ARHGAP31: variants seen among roughly 807,000 people sequenced by gnomAD.
The protein encoded by ARHGAP31 is Rho GTPase activating protein 31.
A neutral mutation model predicts 113.9 loss-of-function variants in ARHGAP31; 34 were observed. The ratio of observed to expected loss-of-function variants is 0.30; its 90% CI spans 0.23 to 0.40. The LOEUF (loss-of-function observed/expected upper bound fraction) is 0.40, where lower values mean the gene tolerates loss of function less well. ARHGAP31 is among the 10% of genes least tolerant of loss of function. The probability of loss-of-function intolerance (pLI) is 1.00; values close to 1 mark genes in which losing one functional copy is unlikely to be tolerated. For missense variants in ARHGAP31, 1,548 were observed against 1,767.1 expected, an observed-to-expected ratio of 0.88 and a Z score of 2.22; for synonymous variants, 650 against 684.8, an observed-to-expected ratio of 0.95 and a Z score of 0.79.
At position 119,339,026 on chromosome 3, in the gene ARHGAP31, C is replaced by G. The variant is rs78381935; in HGVS notation, c.101-26290C>G. 4.6e-3 allele frequency among the ~76,000 whole-genome samples: 694 copies of G among 152,260 alleles called. 5 individuals carry two copies. The highest frequency in any genetic ancestry group is 0.015 in the African/African-American group (630 of 41,530). On this transcript the variant is annotated intron_variant, in intron 1 of 11. Transcript: ENST00000264245. Reference sequence around the variant, plus strand: ...AGAGTCATGAATTACTTGGGTATATCAAGACTGAATGAGAAGTGGAAATTT... The same window carrying G: ...AGAGTCATGAATTACTTGGGTATATGAAGACTGAATGAGAAGTGGAAATTT...
rs550132209 is a variant in ARHGAP31 at position 119,382,230 on chromosome 3, A to G, written c.432-62A>G. 3.2e-5 allele frequency: 45 copies of G among 1,407,154 alleles called. No homozygotes were observed. In the South Asian group the frequency reaches 4.5e-4, roughly 14 times the overall value. The allele number at this position is 1,407,154 out of a possible 1,614,324, so 87.2% of individuals were successfully genotyped here. On this transcript the variant is annotated intron_variant, in intron 4 of 11. Transcript: ENST00000264245. ...AAATCCAAACTTAGAAATTATCTCCATATGTCAGGCTTCACACGGGCACTG... is the reference window on the plus strand; with the variant it reads ...AAATCCAAACTTAGAAATTATCTCCGTATGTCAGGCTTCACACGGGCACTG...
Position 119,402,391 on chromosome 3 carries a change from T to C in ARHGAP31, c.1639T>C (p.Ser547Pro), listed in dbSNP as rs1317336627. ...AGAGAAACCGCTGGGAGCTGAGACT[T>C]CTGCAGGTAAGTAGAGGAGAGAGGG... is the stretch of plus-strand genomic sequence containing the variant. ...EEEKPLGAET[S>P]AASVPKKAGL... is the part of the protein sequence containing the mutation. The change falls in exon 10 of 12, where the codon TCT (serine) becomes CCT (proline). Residue 547 changes from serine (S) to proline (P), a missense_variant. Ser to Pro is a moderately conservative substitution (Grantham distance 74). Transcript: ENST00000264245. 1 of 1,612,950 alleles carries C rather than the reference T, an allele frequency of 6.2e-7. No individual in the cohort carries two copies. The highest frequency in any genetic ancestry group is 8.5e-7 in the Non-Finnish European group (1 of 1,179,752).
rs2080753770 is a variant in ARHGAP31, at chr3:119,414,523, C to G, written c.2594C>G (p.Thr865Ser). Residue 865 changes from threonine (T) to serine (S), a missense_variant, in exon 12 of 12, where the codon ACC (threonine) becomes AGC (serine). Coordinates refer to ENST00000264245, the MANE Select transcript of ARHGAP31 (RefSeq NM_020754.4). ...AAAGGCTGTGGTTTTCCAAGCCCAA[C>G]CAGGGAGGTTGAGATCGTCTCACAA... ...EGKGCGFPSPTREVEIVSQEE... is the reference protein window; with the variant it reads ...EGKGCGFPSPSREVEIVSQEE... 1 of 1,614,032 alleles carries G rather than the reference C, an allele frequency of 6.2e-7. No individual in the cohort carries two copies. The highest frequency in any genetic ancestry group is 1.3e-5 in the African/African-American group (1 of 74,908).
intron 3 of ARHGAP31, among the ~76,000 whole-genome samples, chr3:119,372,838 G>A (rs1435615467): frequency 6.6e-6 from 1 of 152,160 alleles, no homozygotes; most frequent in African/African-American, 2.4e-5. Context: ...GGGTGGTACA[G>A]CTAGTAGGTG....
At chr3:119,365,497 G>A in intron 2 of ARHGAP31, 79 bp downstream of exon 2, 1 of 1,328,200 alleles carries the variant, frequency 7.5e-7, no homozygotes, top group Non-Finnish European at 1.1e-6. Context: ...GGTGTCCAGA[G>A]TATTAAAAAC....
At chr3:119,390,051 G>C (rs770994249) in intron 6 of ARHGAP31, among the ~76,000 whole-genome samples, 1 of 152,100 alleles carries the variant, frequency 6.6e-6, no homozygotes, top group African/African-American at 2.4e-5. Context: ...GGGTGTGGAG[G>C]GGAGTGGTAC....
intron 1 of ARHGAP31, among the ~76,000 whole-genome samples, chr3:119,301,161 C>T (rs1321698317): frequency 6.6e-6 from 1 of 152,212 alleles, no homozygotes; most frequent in African/African-American, 2.4e-5. Context: ...CCCTTCTGCC[C>T]ACTCTTTAGA....
Position 119,401,874 on chromosome 3 carries a change from C to T in ARHGAP31, c.1122C>T (p.Phe374=). The T allele has an allele frequency of 6.2e-7, 1 of 1,614,072 alleles. No individual in the cohort carries two copies. Among genetic ancestry groups the T allele is most frequent in the Non-Finnish European group, 8.5e-7 (1 of 1,180,010 alleles). ...GAACAGTTACCACCGGTGGATTTTT[C>T]ATTCCAGCAACAAAGATGCACTCCA... ...FNRTVTTGGF[F]IPATKMHSTG... Residue 374 remains phenylalanine, a synonymous_variant, in exon 10 of 12, where the codon TTC becomes TTT. Coordinates refer to ENST00000264245, the MANE Select transcript of ARHGAP31 (RefSeq NM_020754.4).
chr3:119,323,993 G>C (rs1243675791), intron 1 of ARHGAP31, among the ~76,000 whole-genome samples: 2 of 152,118 alleles, frequency 1.3e-5, no homozygotes, highest in Admixed American at 6.5e-5. Context: ...AAATGAAAAA[G>C]AAAAGTCAGC....
At chr3:119,356,820 A>G (rs1203259829) in intron 1 of ARHGAP31, among the ~76,000 whole-genome samples, 2 of 152,118 alleles carry the variant, frequency 1.3e-5, no homozygotes, top group Admixed American at 6.6e-5. Context: ...GTTGATGACA[A>G]TCTTGTGCAA....
chr3:119,354,454 C>A (rs974873039), intron 1 of ARHGAP31, among the ~76,000 whole-genome samples: 1 of 149,580 alleles, frequency 6.7e-6, no homozygotes, highest in African/African-American at 2.5e-5. Context: ...CTACTATTAA[C>A]ATTTCAGTGT....
intron 1 of ARHGAP31, among the ~76,000 whole-genome samples, chr3:119,363,281 G>A (rs2080226132): frequency 6.6e-6 from 1 of 152,152 alleles, no homozygotes; most frequent in Admixed American, 6.6e-5. Flanking sequence ...ATTTGCATGA[G>A]CATGGGAAAC....
chr3:119,376,905 C>T (rs1408684668), intron 3 of ARHGAP31, among the ~76,000 whole-genome samples: 1 of 152,204 alleles, frequency 6.6e-6, no homozygotes, highest in East Asian at 1.9e-4. Context: ...TGTTTCAACA[C>T]CGAAAATCTC....
intron 6 of ARHGAP31, among the ~76,000 whole-genome samples, chr3:119,387,817 A>G (rs957113186): frequency 6.6e-6 from 1 of 152,252 alleles, no homozygotes; most frequent in African/African-American, 2.4e-5. Context: ...ACAAGGATAT[A>G]TAAGTTTACA....
intron 1 of ARHGAP31, among the ~76,000 whole-genome samples, chr3:119,332,635 T>TCTCTCACACACACACA (rs1403595583): frequency 1.2e-5 from 1 of 85,664 alleles, no homozygotes; most frequent in Non-Finnish European, 2.1e-5. Flanking sequence ...TCTCTCTCTC[T>TCTCTCACACACACACA]CACACACACA....
At chr3:119,403,747 C>G (rs1390189338) in intron 10 of ARHGAP31, among the ~76,000 whole-genome samples, 1 of 152,138 alleles carries the variant, frequency 6.6e-6, no homozygotes, top group Non-Finnish European at 1.5e-5. Flanking sequence ...TTTCTCCATG[C>G]AGAAAAGAAG....
chr3:119,390,958 A>G lies in ARHGAP31; in HGVS notation c.856A>G (p.Thr286Ala), dbSNP rs1429949969. 6.2e-7 allele frequency: 1 copy of G among 1,614,148 alleles called. No homozygotes were observed. Among genetic ancestry groups the G allele is most frequent in the African/African-American group, 1.3e-5 (1 of 75,026 alleles). The part of the protein sequence containing the change: ...IVPPMGTLFH[T>A]VLELPDNKRK... ...CCCTCCCATGGGCACCCTCTTCCACACTGTCCTTGAGTTACCAGACAACAA... is the reference window on the plus strand; with the variant it reads ...CCCTCCCATGGGCACCCTCTTCCACGCTGTCCTTGAGTTACCAGACAACAA... The change falls in exon 7 of 12, where the codon ACT (threonine) becomes GCT (alanine). Residue 286 changes from threonine (T) to alanine (A), a missense_variant. Coordinates refer to ENST00000264245, the MANE Select transcript of ARHGAP31 (RefSeq NM_020754.4).
intron 10 of ARHGAP31, among the ~76,000 whole-genome samples, chr3:119,406,696 G>A (rs907648568): frequency 6.6e-6 from 1 of 152,230 alleles, no homozygotes. Flanking sequence ...AGCATTTTAT[G>A]AAGGGATTGG....
Position 119,312,798 on chromosome 3 carries a change from C to T in ARHGAP31, c.100+17794C>T, listed in dbSNP as rs9862689. Among the ~76,000 whole-genome samples the T allele has an allele frequency of 6.1e-3, 936 of 152,320 alleles. 8 individuals carry two copies. The highest frequency in any genetic ancestry group is 0.021 in the African/African-American group (892 of 41,568). The stretch of plus-strand genomic sequence containing the variant: ...TGCCCAGTGTGGCAGCCACTAGCCA[C>T]ATGTGTCTGTTGAGCACTTGAATGT... On this transcript the variant is annotated intron_variant, in intron 1 of 11. Coordinates refer to ENST00000264245, the MANE Select transcript of ARHGAP31 (RefSeq NM_020754.4).
Sources: gnomAD v4.1 joint callset for allele counts (sites outside exome capture counted in the v4.1 genomes callset) on GRCh38, gnomAD v4.1.1 for gene constraint, MANE v1.5 for transcripts, NCBI Gene and HGNC (gene_info 2026-07-23, HGNC 2026-07-21) for gene names.